TENM3: variants seen among roughly 807,000 people sequenced by gnomAD.
TENM3 encodes teneurin transmembrane protein 3, also known as teneurin-3.
In TENM3, 63 loss-of-function variants were observed where a neutral mutation model predicts 255.1. The observed-to-expected ratio is 0.25, with a 90% confidence interval of 0.20 to 0.30. The LOEUF is 0.30. Among genes scored for constraint, TENM3 ranks in the 10% least tolerant of loss-of-function variants. The pLI is 1.00. For missense variants in TENM3, 2,929 were observed against 3,461.1 expected (o/e 0.85, Z 3.86); for synonymous variants, 1,306 against 1,322.3 (o/e 0.99, Z 0.27).
intron 3 of TENM3, among the ~76,000 whole-genome samples, chr4:182,514,430 CAG>C (rs1245140784): frequency 6.6e-6 from 1 of 152,002 alleles, no homozygotes; most frequent in East Asian, 1.9e-4. Context: ...TTGGAACCTG[CAG>C]AGTTTAGGTG....
chr4:182,531,836 G>A (rs531520435), intron 3 of TENM3, among the ~76,000 whole-genome samples: 7 of 152,268 alleles, frequency 4.6e-5, no homozygotes, highest in South Asian at 2.1e-4. Flanking sequence ...GAAGGAAAGC[G>A]GATTCAGCAT....
At chr4:182,020,778 C>T in the TENM3 span, among the ~76,000 whole-genome samples, 3 of 152,304 alleles carry the variant, frequency 2.0e-5, no homozygotes, top group South Asian at 6.2e-4. Context: ...TTTTCCATCA[C>T]TCCCAGGACA....
chr4:182,453,867 C>G (rs1467894940), intron 3 of TENM3, among the ~76,000 whole-genome samples: 1 of 152,138 alleles, frequency 6.6e-6, no homozygotes, highest in East Asian at 1.9e-4. Context: ...CCTCCTGCTT[C>G]AAAGTTGTAA....
the TENM3 span, among the ~76,000 whole-genome samples, chr4:181,937,476 G>A: frequency 1.3e-5 from 2 of 152,196 alleles, no homozygotes; most frequent in African/African-American, 4.8e-5. Context: ...GAAGAGTGAC[G>A]ATTGAAGTGG....
the TENM3 span, among the ~76,000 whole-genome samples, chr4:182,038,020 AAAAC>A: frequency 2.6e-5 from 4 of 152,104 alleles, no homozygotes; most frequent in African/African-American, 9.7e-5. Flanking sequence ...CTCTAATGAT[AAAAC>A]AAACAAACAA....
chr4:182,735,955 A>G (rs1761128497), intron 16 of TENM3, among the ~76,000 whole-genome samples: 1 of 152,186 alleles, frequency 6.6e-6, no homozygotes, highest in African/African-American at 2.4e-5. Context: ...GATAATTCTT[A>G]TGCACATAAT....
At chr4:181,509,843 T>C in the TENM3 span, among the ~76,000 whole-genome samples, 6 of 152,238 alleles carry the variant, frequency 3.9e-5, no homozygotes, top group African/African-American at 4.8e-5. Flanking sequence ...ATCCTTCCCC[T>C]ACAATCACAA....
At chr4:181,887,448 T>C in the TENM3 span, among the ~76,000 whole-genome samples, 1 of 152,250 alleles carries the variant, frequency 6.6e-6, no homozygotes, top group Non-Finnish European at 1.5e-5. Context: ...AGTAGGTGGC[T>C]ACAGGAGTAT....
chr4:182,409,074 A>T (rs17073258), intron 3 of TENM3, among the ~76,000 whole-genome samples: 1 of 152,240 alleles, frequency 6.6e-6, no homozygotes, highest in African/African-American at 2.4e-5. Flanking sequence ...TGAGGTAAAC[A>T]TCGCAAATGA....
the TENM3 span, among the ~76,000 whole-genome samples, chr4:181,808,783 G>C: frequency 6.6e-6 from 1 of 152,080 alleles, no homozygotes; most frequent in Admixed American, 6.5e-5. Flanking sequence ...CCACAAAATG[G>C]AATTCTATTA....
At chr4:182,678,607 T>C (rs968914131) in intron 7 of TENM3, among the ~76,000 whole-genome samples, 2 of 152,210 alleles carry the variant, frequency 1.3e-5, no homozygotes, top group Non-Finnish European at 2.9e-5. Context: ...ACCCCACCAT[T>C]ACCAGATGTC....
the TENM3 span, among the ~76,000 whole-genome samples, chr4:181,522,100 CAAAAAAAAAAAAA>C: frequency 5.5e-5 from 3 of 54,728 alleles, no homozygotes; most frequent in East Asian, 1.1e-3. Flanking sequence ...GACTCCGTCT[CAAAAAAAAAAAAA>C]AAAAAAAAAA....
the TENM3 span, among the ~76,000 whole-genome samples, chr4:181,450,269 G>A: frequency 1.3e-5 from 2 of 152,036 alleles, no homozygotes; most frequent in African/African-American, 2.4e-5. Context: ...GATACAATGG[G>A]TTCTATTCTT....
At chr4:182,325,578 C>T (rs565991013) in intron 2 of TENM3, among the ~76,000 whole-genome samples, 93 of 152,172 alleles carry the variant, frequency 6.1e-4, no homozygotes, top group African/African-American at 2.1e-3. Flanking sequence ...TAATTTTAAA[C>T]CCATTTTTTT....
intron 3 of TENM3, among the ~76,000 whole-genome samples, chr4:182,453,647 A>T (rs1247277856): frequency 1.3e-5 from 2 of 152,194 alleles, no homozygotes; most frequent in South Asian, 2.1e-4. Context: ...TGGAAGTTTC[A>T]GTGAGTTGTT....
At chr4:182,374,087 C>T (rs1019737482) in intron 3 of TENM3, among the ~76,000 whole-genome samples, 5 of 152,110 alleles carry the variant, frequency 3.3e-5, no homozygotes, top group South Asian at 2.1e-4. Context: ...GCTACAGTCA[C>T]GTGTGAGTTT....
At chr4:181,663,706 T>A in the TENM3 span, among the ~76,000 whole-genome samples, 1 of 152,258 alleles carries the variant, frequency 6.6e-6, no homozygotes, top group East Asian at 1.9e-4. Context: ...CAGTGTCCAG[T>A]GTAGGCAAGG....
intron 3 of TENM3, among the ~76,000 whole-genome samples, chr4:182,561,462 G>C (rs1743172324): frequency 6.6e-6 from 1 of 151,242 alleles, no homozygotes; most frequent in Non-Finnish European, 1.5e-5. Flanking sequence ...AAAAAGGAAA[G>C]AAACAAACCA....
chr4:182,362,134 G>A (rs1296923963), intron 3 of TENM3, among the ~76,000 whole-genome samples: 1 of 152,180 alleles, frequency 6.6e-6, no homozygotes, highest in Non-Finnish European at 1.5e-5. Flanking sequence ...CCTACTGGGG[G>A]GTGCCTCCCA....
Sources: gnomAD v4.1 joint callset for allele counts (sites outside exome capture counted in the v4.1 genomes callset) on GRCh38, gnomAD v4.1.1 for gene constraint, MANE v1.5 for transcripts, NCBI Gene and HGNC (gene_info 2026-07-23, HGNC 2026-07-21) for gene names.